The following UNC5C variants were observed in gnomAD, a reference collection of about 807,000 sequenced individuals.
The protein encoded by UNC5C is unc-5 netrin receptor C, also known as netrin receptor UNC5C.
In UNC5C, 47 loss-of-function variants were observed where a neutral mutation model predicts 99.8. The ratio of observed to expected loss-of-function variants is 0.47; its 90% CI spans 0.37 to 0.60. The LOEUF (loss-of-function observed/expected upper bound fraction) is 0.60, where lower values mean the gene tolerates loss of function less well. Among genes scored for constraint, UNC5C ranks in the 20% least tolerant of loss-of-function variants. UNC5C has a pLI of 0.00. For synonymous variants in UNC5C, 487 were observed against 452.2 expected (o/e 1.08, Z -0.98); for missense variants, 1,062 against 1,165.9 (o/e 0.91, Z 1.30).
intron 1 of UNC5C, among the ~76,000 whole-genome samples, chr4:95,410,663 G>A (rs1304124170): frequency 3.9e-5 from 6 of 152,176 alleles, no homozygotes; most frequent in Non-Finnish European, 4.4e-5. Flanking sequence ...CTAGAAGAAA[G>A]TCAAGCCTCA....
intron 2 of UNC5C, among the ~76,000 whole-genome samples, chr4:95,332,320 A>G (rs1029607235): frequency 6.7e-6 from 1 of 149,920 alleles, no homozygotes; most frequent in Non-Finnish European, 1.5e-5. Flanking sequence ...ACTTCAAACT[A>G]TACTGCAAGG....
chr4:95,270,004 C>A (rs6829650), intron 4 of UNC5C, among the ~76,000 whole-genome samples: 1 of 152,010 alleles, frequency 6.6e-6, no homozygotes, highest in Non-Finnish European at 1.5e-5. Flanking sequence ...TGTGAGCCCC[C>A]GTACCTGGCC....
chr4:95,198,956 T>G (rs552737131), intron 12 of UNC5C, among the ~76,000 whole-genome samples: 32 of 152,126 alleles, frequency 2.1e-4, no homozygotes, highest in African/African-American at 7.5e-4. Flanking sequence ...CAGGGAGTAT[T>G]AAGAAAATAA....
At chr4:95,474,815 A>G (rs1578183276) in intron 1 of UNC5C, among the ~76,000 whole-genome samples, 1 of 152,088 alleles carries the variant, frequency 6.6e-6, no homozygotes. Flanking sequence ...AAGAGATTTT[A>G]CCAGAATTCC....
intron 3 of UNC5C, among the ~76,000 whole-genome samples, chr4:95,286,300 TGC>T (rs200220391): frequency 1.2e-4 from 18 of 152,340 alleles, no homozygotes; most frequent in Admixed American, 2.6e-4. Flanking sequence ...TTGATTAAAC[TGC>T]AGATTCCACA....
chr4:95,366,183 G>T lies in UNC5C; in HGVS notation c.125-30552C>A, dbSNP rs192793415. ...TGTATTAATAAAATACATGTGATGGGCTGAGTGCACTGGTGTGCACCTGTA... is the reference window on the plus strand; with the variant it reads ...TGTATTAATAAAATACATGTGATGGTCTGAGTGCACTGGTGTGCACCTGTA... On this transcript the variant is annotated intron_variant, in intron 1 of 15. Transcript: ENST00000453304. Among the ~76,000 whole-genome samples the T allele has an allele frequency of 8.5e-5, 13 of 152,248 alleles. No individual in the cohort carries two copies. In the East Asian group the frequency reaches 2.3e-3, roughly 27 times the overall value.
At chr4:95,379,122 A>G (rs946666300) in intron 1 of UNC5C, among the ~76,000 whole-genome samples, 1 of 152,172 alleles carries the variant, frequency 6.6e-6, no homozygotes, top group African/African-American at 2.4e-5. Flanking sequence ...GAGTAGAGAG[A>G]CAATAAAGAA....
At chr4:95,427,013 A>G (rs1448842474) in intron 1 of UNC5C, among the ~76,000 whole-genome samples, 1 of 152,252 alleles carries the variant, frequency 6.6e-6, no homozygotes, top group Non-Finnish European at 1.5e-5. Flanking sequence ...TATTGGAAGA[A>G]GATGCCATGT....
chr4:95,279,089 C>T (rs1740962821), intron 3 of UNC5C, among the ~76,000 whole-genome samples: 1 of 152,124 alleles, frequency 6.6e-6, no homozygotes, highest in Admixed American at 6.5e-5. Context: ...ACTACTGAAG[C>T]TCCAGTAACT....
chr4:95,482,859 T>C (rs1349909761), intron 1 of UNC5C, among the ~76,000 whole-genome samples: 2 of 91,348 alleles, frequency 2.2e-5, no homozygotes, highest in South Asian at 7.1e-4. Flanking sequence ...GGGACTGTTG[T>C]GGGGTGGGCG....
At chr4:95,333,174 G>A (rs1743191241) in intron 2 of UNC5C, among the ~76,000 whole-genome samples, 1 of 152,022 alleles carries the variant, frequency 6.6e-6, no homozygotes, top group Admixed American at 6.6e-5. Context: ...GATTCCTCAG[G>A]GATCTAGAAC....
intron 1 of UNC5C, among the ~76,000 whole-genome samples, chr4:95,342,130 G>A (rs1341325544): frequency 2.0e-5 from 3 of 152,080 alleles, no homozygotes; most frequent in Non-Finnish European, 4.4e-5. Flanking sequence ...TGCCAGGCTC[G>A]GAACCACTGG....
At chr4:95,176,197 C>A (rs1285007003) in intron 14 of UNC5C, among the ~76,000 whole-genome samples, 1 of 152,042 alleles carries the variant, frequency 6.6e-6, no homozygotes, top group Non-Finnish European at 1.5e-5. Flanking sequence ...AATTTCCTCC[C>A]ATAGCTCGGA....
At position 95,170,916 on chromosome 4, in the gene UNC5C, A is replaced by G. The variant is rs560669524; in HGVS notation, c.2452-584T>C. Among the ~76,000 whole-genome samples, 4 of 152,350 alleles carry G rather than the reference A, an allele frequency of 2.6e-5. No homozygotes were observed. In the South Asian group the frequency reaches 8.3e-4, roughly 32 times the overall value. On this transcript the variant is annotated intron_variant, in intron 14 of 15. Coordinates refer to ENST00000453304, the MANE Select transcript of UNC5C (RefSeq NM_003728.4). Reference sequence around the variant, plus strand: ...TAAGGCTAATTTCTTAAAAAAGAAAATGGTAAACACAGTATATTATTGCCT... The same window carrying G: ...TAAGGCTAATTTCTTAAAAAAGAAAGTGGTAAACACAGTATATTATTGCCT...
At chr4:95,248,740 T>C (rs1235132799) in intron 5 of UNC5C, 2 of 350,656 alleles carry the variant, frequency 5.7e-6, no homozygotes, top group Admixed American at 8.1e-5. Context: ...TATACCATAA[T>C]GGTCTGTTCC....
intron 1 of UNC5C, among the ~76,000 whole-genome samples, chr4:95,518,500 A>C (rs577018018): frequency 6.6e-6 from 1 of 152,328 alleles, no homozygotes; most frequent in Non-Finnish European, 1.5e-5. Flanking sequence ...TTAAATATGC[A>C]TATTTATACA....
chr4:95,393,863 T>TTTTTA (rs767724274), intron 1 of UNC5C, among the ~76,000 whole-genome samples: 4,718 of 146,248 alleles, frequency 0.032, 93 homozygotes, highest in African/African-American at 0.055. Flanking sequence ...TTTTTTTTTT[T>TTTTTA]AAAAAAAAAC....
intron 3 of UNC5C, among the ~76,000 whole-genome samples, chr4:95,281,898 G>A (rs11097463): frequency 0.67 from 102,580 of 152,052 alleles, 35,634 homozygotes; most frequent in African/African-American, 0.85. Context: ...CAGGATACTT[G>A]GCAACATCCC....
At chr4:95,537,556 T>C (rs1722812756) in intron 1 of UNC5C, among the ~76,000 whole-genome samples, 2 of 152,174 alleles carry the variant, frequency 1.3e-5, no homozygotes, top group Non-Finnish European at 2.9e-5. Flanking sequence ...TAATGAACTT[T>C]GGATACTAGT....
Sources: allele counts gnomAD v4.1 joint callset (sites outside exome capture counted in the v4.1 genomes callset), GRCh38; gene constraint gnomAD v4.1.1; transcripts MANE v1.5; gene names NCBI Gene and HGNC (gene_info 2026-07-23, HGNC 2026-07-21).